ZYG11B: variants seen among roughly 807,000 people sequenced by gnomAD.
ZYG11B encodes protein zyg-11 homolog B.
A neutral mutation model predicts 82.4 loss-of-function variants in ZYG11B; 36 were observed. The observed-to-expected ratio is 0.44, with a 90% CI of 0.33 to 0.58. The LOEUF is 0.58. Among genes scored for constraint, ZYG11B ranks in the 20% least tolerant of loss-of-function variants. ZYG11B has a pLI of 0.02. For missense variants in ZYG11B, 552 were observed against 895.6 expected (o/e 0.62, Z 4.90); for synonymous variants, 303 against 312.8 (o/e 0.97, Z 0.33).
intron 3 of ZYG11B, among the ~76,000 whole-genome samples, chr1:52,779,181 G>C (rs78816342): frequency 0.012 from 1,785 of 152,214 alleles, 38 homozygotes; most frequent in African/African-American, 0.041. Flanking sequence ...CTTGACTTAC[G>C]GAAAGGTGAG....
chr1:52,805,191 A>G (rs1390595608), intron 10 of ZYG11B: 1 of 255,312 alleles, frequency 3.9e-6, no homozygotes, highest in Non-Finnish European at 7.8e-6. Flanking sequence ...CAATTTTAGT[A>G]TATATGCTGT....
At chr1:52,803,045 T>A (rs919187682) in intron 10 of ZYG11B, among the ~76,000 whole-genome samples, 3 of 141,250 alleles carry the variant, frequency 2.1e-5, no homozygotes, top group African/African-American at 5.2e-5. Flanking sequence ...ACTTTATTTT[T>A]TTTTTATTTT....
chr1:52,809,377 C>T (rs368279719), intron 10 of ZYG11B, among the ~76,000 whole-genome samples: 1 of 152,130 alleles, frequency 6.6e-6, no homozygotes, highest in African/African-American at 2.4e-5. Context: ...TTTTCTGTCT[C>T]TATGATTTTA....
intron 1 of ZYG11B, among the ~76,000 whole-genome samples, chr1:52,738,198 T>A (rs535198953): frequency 6.6e-6 from 1 of 152,168 alleles, no homozygotes; most frequent in Admixed American, 6.6e-5. Flanking sequence ...TAAAAACTTT[T>A]ATTAACTTTT....
chr1:52,802,837 G>A (rs1035543600), intron 10 of ZYG11B, among the ~76,000 whole-genome samples: 1 of 151,148 alleles, frequency 6.6e-6, no homozygotes, highest in African/African-American at 2.4e-5. Flanking sequence ...TGGCTAACAC[G>A]GTGAAACCCC....
chr1:52,799,914 C>T (rs556469526), intron 8 of ZYG11B, among the ~76,000 whole-genome samples: 1 of 152,212 alleles, frequency 6.6e-6, no homozygotes, highest in African/African-American at 2.4e-5. Context: ...AGTTATGTCT[C>T]TTACTAGCCA....
intron 6 of ZYG11B, among the ~76,000 whole-genome samples, chr1:52,791,046 A>T (rs1484011463): frequency 6.6e-6 from 1 of 151,868 alleles, no homozygotes; most frequent in Non-Finnish European, 1.5e-5. Context: ...ATCTCAGCTC[A>T]CTGCAACCTC....
At chr1:52,781,993 C>G (rs1178454818) in intron 4 of ZYG11B, among the ~76,000 whole-genome samples, 1 of 151,636 alleles carries the variant, frequency 6.6e-6, no homozygotes, top group Non-Finnish European at 1.5e-5. Context: ...TAGTCTTGAT[C>G]TGAAATATTC....
At chr1:52,812,381 G>GTTATT (rs1334684335) in intron 10 of ZYG11B, among the ~76,000 whole-genome samples, 4 of 151,944 alleles carry the variant, frequency 2.6e-5, no homozygotes, top group Admixed American at 6.6e-5. Context: ...TTGTTTATGT[G>GTTATT]TTATTTTATT....
At chr1:52,760,884 TC>T (rs1455102612) in intron 2 of ZYG11B, among the ~76,000 whole-genome samples, 2 of 150,928 alleles carry the variant, frequency 1.3e-5, no homozygotes, top group African/African-American at 4.9e-5. Context: ...TGGCTTAGCC[TC>T]CCAAGTAGCT....
intron 1 of ZYG11B, among the ~76,000 whole-genome samples, chr1:52,736,200 G>A (rs1407283685): frequency 6.6e-6 from 1 of 152,166 alleles, no homozygotes; most frequent in Non-Finnish European, 1.5e-5. Flanking sequence ...TGAATCTACA[G>A]AGATCTGTAT....
In ZYG11B at chr1:52,821,582, G is replaced by A. The variant is rs1645284650; in HGVS notation, c.2188G>A (p.Gly730Arg). The A allele has an allele frequency of 6.2e-7, 1 of 1,614,028 alleles. No homozygotes were observed. The highest frequency in any genetic ancestry group is 1.3e-5 in the African/African-American group (1 of 75,030). Residue 730 changes from glycine (G) to arginine (R), a missense_variant, in exon 14 of 14, where the codon GGG becomes AGG. Physicochemically the swap from Gly to Arg is moderately radical, Grantham distance 125. This residue lies in a region of ZYG11B where 127 missense variants were observed against 163.4 expected (regional missense o/e 0.78). Coordinates refer to ENST00000294353, the MANE Select transcript of ZYG11B (RefSeq NM_024646.3). ...CTTAGAAAAACACATTGTGCGCCAT[G>A]GGAGGCCACCTCCCTGTAAAAAACA... ...DSLEKHIVRH[G>R]RPPPCKKQPQ...
chr1:52,790,982 T>G (rs1313687347), intron 6 of ZYG11B, among the ~76,000 whole-genome samples: 1 of 151,460 alleles, frequency 6.6e-6, no homozygotes, highest in African/African-American at 2.4e-5. Flanking sequence ...TTTCTTTTTC[T>G]TTTTTTTGAG....
chr1:52,774,964 A>T (rs989290557), intron 3 of ZYG11B, among the ~76,000 whole-genome samples: 1 of 152,058 alleles, frequency 6.6e-6, no homozygotes, highest in Non-Finnish European at 1.5e-5. Flanking sequence ...ACCCAGTGTT[A>T]GTTCTTAGTC....
intron 1 of ZYG11B, among the ~76,000 whole-genome samples, chr1:52,742,215 T>C (rs1167652781): frequency 6.6e-6 from 1 of 152,052 alleles, no homozygotes; most frequent in Non-Finnish European, 1.5e-5. Context: ...CCCAGCACTT[T>C]GGAGGCTGAG....
intron 13 of ZYG11B, among the ~76,000 whole-genome samples, chr1:52,817,823 T>A (rs1296509011): frequency 0.018 from 201 of 11,356 alleles, no homozygotes; most frequent in Non-Finnish European, 0.026. Flanking sequence ...ATATTTTTTT[T>A]TTTTTTTTTT....
At chr1:52,767,872 G>A (rs1644711659) in intron 2 of ZYG11B, among the ~76,000 whole-genome samples, 1 of 152,168 alleles carries the variant, frequency 6.6e-6, no homozygotes, top group African/African-American at 2.4e-5. Flanking sequence ...AGGGAAGCAG[G>A]TAGAGAACTT....
At chr1:52,814,704 TAC>T (rs10644507) in intron 12 of ZYG11B, among the ~76,000 whole-genome samples, 23,752 of 91,690 alleles carry the variant, frequency 0.26, 3,272 homozygotes, top group African/African-American at 0.41. Flanking sequence ...CAAATGTAAA[TAC>T]ACACACACAC....
rs767527581 is a variant in ZYG11B at position 52,813,747 on chromosome 1, A to G, written c.1893+14A>G. The G allele has an allele frequency of 5.6e-6, 9 of 1,613,742 alleles. No homozygotes were observed. In the South Asian group the frequency reaches 8.8e-5, roughly 16 times the overall value. On this transcript the variant is annotated intron_variant, in intron 11 of 13. Coordinates refer to ENST00000294353, the MANE Select transcript of ZYG11B (RefSeq NM_024646.3). The stretch of plus-strand genomic sequence containing the variant: ...CTGGATGATTTGGTAGGGTCATTCC[A>G]TACCAACAAAAGACATTCATAGTGG...
Sources: allele counts gnomAD v4.1 joint callset (sites outside exome capture counted in the v4.1 genomes callset), GRCh38; gene constraint gnomAD v4.1.1; regional missense constraint gnomAD v4.1.1; transcripts MANE v1.5; gene names NCBI Gene and HGNC (gene_info 2026-07-23, HGNC 2026-07-21).